BICRA: variants seen among roughly 807,000 people sequenced by gnomAD.
The protein encoded by BICRA is BRD4-interacting chromatin-remodeling complex-associated protein.
In BICRA, 31 loss-of-function variants were observed where a neutral mutation model predicts 96.9. The ratio of observed to expected loss-of-function variants is 0.32; its 90% confidence interval spans 0.24 to 0.43. The LOEUF is 0.43. Ranked by LOEUF, BICRA falls within the 20% of genes least tolerant of loss-of-function variation. The pLI is 1.00. For synonymous variants in BICRA, 1,350 were observed against 1,071.8 expected, an observed-to-expected ratio of 1.26 and a Z score of -5.07; for missense variants, 2,283 against 2,190.3, an observed-to-expected ratio of 1.04 and a Z score of -0.84.
intron 1 of BICRA, among the ~76,000 whole-genome samples, chr19:47,609,589 A>C (rs893120757): frequency 1.3e-5 from 2 of 150,266 alleles, no homozygotes; most frequent in Middle Eastern, 7.0e-3. Flanking sequence ...CTAACGTTCC[A>C]CGGGGGGAGG....
Position 47,703,173 on chromosome 19 carries a change from A to AT in BICRA, c.*765dup, listed in dbSNP as rs1973499815. 2.6e-5 allele frequency: 4 copies of AT among 152,600 alleles called. No individual in the cohort carries two copies. The highest frequency in any genetic ancestry group is 7.2e-5 in the African/African-American group (3 of 41,420). The allele number at this position is 152,600 out of a possible 1,614,324, so 9.5% of individuals were successfully genotyped here. ...AGACAAAACTAGTACTGTAAGATAA[A>AT]TTTTTTTGTACTGTATTTATTGTGT... On this transcript the variant is annotated 3_prime_UTR_variant, in exon 15 of 15. Transcript: ENST00000594866.
intron 1 of BICRA, among the ~76,000 whole-genome samples, chr19:47,620,899 A>G (rs1044545834): frequency 6.6e-6 from 1 of 152,044 alleles, no homozygotes; most frequent in Non-Finnish European, 1.5e-5. Context: ...AGAGCTCCCC[A>G]GCAGGCCTGT....
At position 47,633,241 on chromosome 19, in the gene BICRA, G is replaced by T. The variant is rs185238987; in HGVS notation, c.-108+24073G>T. Among the ~76,000 whole-genome samples the T allele has an allele frequency of 5.1e-4, 78 of 151,800 alleles. No individual in the cohort carries two copies. The East Asian group carries it at 0.015, about 29-fold the overall frequency. On this transcript the variant is annotated intron_variant, in intron 1 of 14. Transcript: ENST00000594866. ...ATTATAGGTGCCCGCCACCACGCCC[G>T]ACTAATTTTTTTATTTTTAGTAGAG... is the stretch of plus-strand genomic sequence containing the variant.
Position 47,701,333 on chromosome 19 carries a change from T to A in BICRA, c.3601T>A (p.Tyr1201Asn). ...KQLAKEKPDE[Y>N]VSSSRSLGLP... ...TCTTTGCCCCGATTCTGCAGACGAGTACGTGTCTTCCTCCCGCTCGCTCGG... is the reference window on the plus strand; with the variant it reads ...TCTTTGCCCCGATTCTGCAGACGAGAACGTGTCTTCCTCCCGCTCGCTCGG... Residue 1201 changes from tyrosine to asparagine, a missense_variant, in exon 15 of 15, where the codon TAC becomes AAC. Physicochemically the swap from Tyr to Asn is moderately radical, Grantham distance 143. Transcript: ENST00000594866. The surrounding 1 kb of genome is among the most constrained non-coding windows in gnomAD (Gnocchi z 5.4). 1 of 1,609,698 alleles carries A rather than the reference T, an allele frequency of 6.2e-7. No homozygotes were observed. The highest frequency in any genetic ancestry group is 8.5e-7 in the Non-Finnish European group (1 of 1,178,606).
At position 47,657,618 on chromosome 19, in the gene BICRA, G is replaced by A. The variant is rs968726280; in HGVS notation, c.-107-12825G>A. ...TCACTGTGTTAGCCAGGATGGTCTC[G>A]ATCTCCTGACCTTGTGATCCGCCCA... On this transcript the variant is annotated intron_variant, in intron 1 of 14. Coordinates refer to ENST00000594866, the MANE Select transcript of BICRA (RefSeq NM_001394372.1). Among the ~76,000 whole-genome samples the A allele has an allele frequency of 3.3e-5, 5 of 151,932 alleles. No homozygotes were observed. In the East Asian group the frequency reaches 7.8e-4, roughly 24 times the overall value.
intron 1 of BICRA, among the ~76,000 whole-genome samples, chr19:47,653,903 G>A (rs138397762): frequency 0.016 from 2,405 of 152,246 alleles, 58 homozygotes; most frequent in African/African-American, 0.055. Context: ...CGCAATCTCA[G>A]CTCACTGCAA....
rs747086704 is a variant in BICRA, at chr19:47,680,940, C to A, written c.1770C>A (p.Pro590=). ...TCCTCCAGGGGGTCACCCTGCCCCCCAGCGCCGTGGCCATGCTCAACACCC... is the reference window on the plus strand; with the variant it reads ...TCCTCCAGGGGGTCACCCTGCCCCCAAGCGCCGTGGCCATGCTCAACACCC... ...TTVLQGVTLP[P]SAVAMLNTPD... Residue 590 remains proline, a synonymous_variant, in exon 6 of 15, where the codon CCC becomes CCA. Coordinates refer to ENST00000594866, the MANE Select transcript of BICRA (RefSeq NM_001394372.1). The A allele has an allele frequency of 3.4e-6, 5 of 1,478,574 alleles. No homozygotes were observed. The highest frequency in any genetic ancestry group is 4.4e-6 in the Non-Finnish European group (5 of 1,125,394). The allele number at this position is 1,478,574 out of a possible 1,614,324, so 91.6% of individuals were successfully genotyped here.
In BICRA at chr19:47,664,370, T is replaced by C. The variant is rs527405717; in HGVS notation, c.-107-6073T>C. On this transcript the variant is annotated intron_variant, in intron 1 of 14. Transcript: ENST00000594866. ...TTTCTGGAAGGACACTGTGTCATTG[T>C]TGCGTCATGGCTGTTCTCTGGAGCT... Among the ~76,000 whole-genome samples, 155 of 152,306 alleles carry C rather than the reference T, an allele frequency of 1.0e-3. 3 individuals carry two copies. The South Asian group carries it at 0.03, about 30-fold the overall frequency.
intron 2 of BICRA, among the ~76,000 whole-genome samples, chr19:47,672,119 G>A (rs1356727141): frequency 7.5e-6 from 1 of 133,006 alleles, no homozygotes; most frequent in Non-Finnish European, 1.6e-5. Context: ...AAGGATGGAG[G>A]ATGGGTAGGT....
At chr19:47,640,125 C>A (rs1972362719) in intron 1 of BICRA, among the ~76,000 whole-genome samples, 1 of 152,144 alleles carries the variant, frequency 6.6e-6, no homozygotes, top group Admixed American at 6.6e-5. Flanking sequence ...GATTCACATC[C>A]AAAAATGAGA....
At chr19:47,686,563 T>C (rs944331870) in intron 7 of BICRA, among the ~76,000 whole-genome samples, 1 of 152,090 alleles carries the variant, frequency 6.6e-6, no homozygotes, top group Non-Finnish European at 1.5e-5. Flanking sequence ...TTTGTATTTT[T>C]AGTTGAGACA....
At chr19:47,658,134 A>G (rs924104558) in intron 1 of BICRA, among the ~76,000 whole-genome samples, 1 of 152,162 alleles carries the variant, frequency 6.6e-6, no homozygotes, top group African/African-American at 2.4e-5. Context: ...TCCCATATCC[A>G]TTCTGAGCTG....
chr19:47,694,804 C>T, intron 8 of BICRA, 78 bp downstream of exon 8: 6 of 1,158,088 alleles, frequency 5.2e-6, no homozygotes, highest in South Asian at 1.5e-5. Flanking sequence ...GCCCCTCCGC[C>T]TTACGGCTCT....
chr19:47,679,103 C>A, intron 5 of BICRA: 1 of 406,360 alleles, frequency 2.5e-6, no homozygotes, highest in Non-Finnish European at 4.4e-6. Context: ...CACTGCGTTG[C>A]CCAGGCTGGT....
chr19:47,646,049 G>A (rs1972454196), intron 1 of BICRA, among the ~76,000 whole-genome samples: 1 of 152,208 alleles, frequency 6.6e-6, no homozygotes, highest in African/African-American at 2.4e-5. Flanking sequence ...AGTGAGCCAT[G>A]ATTGTGCCAC....
chr19:47,648,914 C>G (rs1040425891), intron 1 of BICRA, among the ~76,000 whole-genome samples: 1 of 150,762 alleles, frequency 6.6e-6, no homozygotes, highest in Non-Finnish European at 1.5e-5. Flanking sequence ...TGCAGTGGCA[C>G]GATCTTGGCT....
In BICRA at chr19:47,694,498, C is replaced by T; in HGVS notation, c.2667C>T (p.Ala889=). ...LPPSSTSSAV[A]SSSETSSRLP... ...CATCCTCCACCTCCTCTGCTGTGGC[C>T]TCCTCCTCTGAGACGTCCTCCAGGT... The change falls in exon 8 of 15, where the codon GCC becomes GCT. Residue 889 remains alanine (A), a synonymous_variant. Coordinates refer to ENST00000594866, the MANE Select transcript of BICRA (RefSeq NM_001394372.1). 6.3e-7 allele frequency: 1 copy of T among 1,588,786 alleles called. No homozygotes were observed. The highest frequency in any genetic ancestry group is 1.1e-5 in the South Asian group (1 of 89,896).
chr19:47,690,358 G>GT (rs1005816303), intron 7 of BICRA, among the ~76,000 whole-genome samples: 2 of 152,160 alleles, frequency 1.3e-5, no homozygotes, highest in Non-Finnish European at 2.9e-5. Context: ...CTGGAAGCCT[G>GT]TTTGCTGGAC....
intron 11 of BICRA, among the ~76,000 whole-genome samples, chr19:47,696,898 G>T (rs1407187668): frequency 6.6e-6 from 1 of 151,922 alleles, no homozygotes; most frequent in African/African-American, 2.4e-5. Flanking sequence ...TGATGGGGGG[G>T]GTGTTTGGGG....
Sources: allele counts gnomAD v4.1 joint callset (sites outside exome capture counted in the v4.1 genomes callset), GRCh38; gene constraint gnomAD v4.1.1; non-coding constraint Gnocchi (gnomAD v3.1); transcripts MANE v1.5; gene names NCBI Gene and HGNC (gene_info 2026-07-23, HGNC 2026-07-21).